Variants in FERMT2 observed in about 807,000 individuals in gnomAD.
FERMT2 encodes the protein FERM domain containing kindlin 2.
Under a neutral mutation model 82.7 loss-of-function variants are expected in FERMT2, and 15 were observed. That is an observed-to-expected ratio of 0.18 (90% confidence interval 0.12 to 0.28). The LOEUF (loss-of-function observed/expected upper bound fraction) is 0.28, where lower values mean the gene tolerates loss of function less well. Among genes scored for constraint, FERMT2 ranks in the 10% least tolerant of loss-of-function variants. FERMT2 has a pLI of 1.00. For missense variants in FERMT2, 645 were observed against 809.4 expected, an observed-to-expected ratio of 0.80 and a Z score of 2.46; for synonymous variants, 274 against 271.5, an observed-to-expected ratio of 1.01 and a Z score of -0.09.
intron 2 of FERMT2, among the ~76,000 whole-genome samples, chr14:52,940,365 G>T (rs958455276): frequency 1.3e-5 from 2 of 152,146 alleles, no homozygotes; most frequent in Admixed American, 6.5e-5. Flanking sequence ...CATTAATGAA[G>T]TTGAGAGAAA....
At chr14:52,945,396 C>T (rs1291195816) in intron 2 of FERMT2, among the ~76,000 whole-genome samples, 1 of 151,662 alleles carries the variant, frequency 6.6e-6, no homozygotes, top group Admixed American at 6.6e-5. Flanking sequence ...TACAGGCGCC[C>T]GCTACCATGC....
At chr14:52,937,005 C>T (rs1180298799) in intron 2 of FERMT2, among the ~76,000 whole-genome samples, 4 of 151,258 alleles carry the variant, frequency 2.6e-5, no homozygotes, top group African/African-American at 4.9e-5. Flanking sequence ...AAAAAAAATA[C>T]AAAAAAATTA....
chr14:52,898,429 A>G lies in FERMT2; in HGVS notation c.392-5002T>C, dbSNP rs188590593. On this transcript the variant is annotated intron_variant, in intron 3 of 14. Coordinates refer to ENST00000341590, the MANE Select transcript of FERMT2 (RefSeq NM_006832.3). ...ATTTTTGGGGTTTCATGGATTAGCA[A>G]TAATTACTATAATTAGGTAGGTTCA... Among the ~76,000 whole-genome samples, 591 of 152,326 alleles carry G rather than the reference A, an allele frequency of 3.9e-3. 2 individuals carry two copies. The highest frequency in any genetic ancestry group is 5.3e-3 in the Admixed American group (81 of 15,294).
chr14:52,898,623 G>A (rs1887437086), intron 3 of FERMT2, among the ~76,000 whole-genome samples: 2 of 152,162 alleles, frequency 1.3e-5, no homozygotes, highest in Admixed American at 1.3e-4. Flanking sequence ...AGCTTTAAAT[G>A]CCAGTGGGGC....
intron 3 of FERMT2, among the ~76,000 whole-genome samples, chr14:52,918,608 G>A (rs1339264633): frequency 6.6e-6 from 1 of 152,184 alleles, no homozygotes; most frequent in Non-Finnish European, 1.5e-5. Context: ...AATACTTCCT[G>A]TCATATGACA....
intron 3 of FERMT2, among the ~76,000 whole-genome samples, chr14:52,917,065 A>G (rs1888654936): frequency 6.6e-6 from 1 of 152,234 alleles, no homozygotes; most frequent in Non-Finnish European, 1.5e-5. Flanking sequence ...TGCTAGTTGG[A>G]ATATAAACTG....
chr14:52,934,296 T>C (rs1421415585), intron 2 of FERMT2, among the ~76,000 whole-genome samples: 2 of 152,154 alleles, frequency 1.3e-5, no homozygotes, highest in Non-Finnish European at 2.9e-5. Flanking sequence ...CATATGGAAA[T>C]GGAAAAAATA....
intron 4 of FERMT2, among the ~76,000 whole-genome samples, chr14:52,892,464 T>G (rs1182982227): frequency 1.4e-5 from 2 of 144,544 alleles, no homozygotes; most frequent in African/African-American, 5.4e-5. Context: ...TTGTTTTTTT[T>G]TTTTTTTGAG....
chr14:52,866,476 C>T (rs1348196496), intron 10 of FERMT2, among the ~76,000 whole-genome samples: 2 of 152,194 alleles, frequency 1.3e-5, no homozygotes, highest in Non-Finnish European at 2.9e-5. Flanking sequence ...TGCCGAGACT[C>T]ACTGTCTTCA....
At chr14:52,899,184 A>G (rs1187663225) in intron 3 of FERMT2, among the ~76,000 whole-genome samples, 4 of 152,178 alleles carry the variant, frequency 2.6e-5, no homozygotes, top group Non-Finnish European at 5.9e-5. Flanking sequence ...ATAATATTAA[A>G]AATACATGCT....
intron 3 of FERMT2, among the ~76,000 whole-genome samples, chr14:52,916,497 G>A (rs1460950282): frequency 6.6e-6 from 1 of 152,144 alleles, no homozygotes; most frequent in Admixed American, 6.5e-5. Context: ...TTCTGGAAAG[G>A]GCAAAACTAG....
intron 2 of FERMT2, among the ~76,000 whole-genome samples, chr14:52,932,841 T>G (rs2139677713): frequency 6.6e-6 from 1 of 152,284 alleles, no homozygotes; most frequent in East Asian, 1.9e-4. Context: ...GGAAAAGAAT[T>G]CTCAACAGTG....
chr14:52,950,387 T>G, intron 2 of FERMT2, 25 bp downstream of exon 2: 1 of 1,606,474 alleles, frequency 6.2e-7, no homozygotes. Flanking sequence ...AGTCATTAGT[T>G]GGACGCGGCT....
chr14:52,873,773 A>C (rs1885777271), intron 9 of FERMT2: 1 of 157,352 alleles, frequency 6.4e-6, no homozygotes, highest in Admixed American at 6.5e-5. Flanking sequence ...ACTTTACATA[A>C]AATGTTCCAT....
intron 2 of FERMT2, among the ~76,000 whole-genome samples, chr14:52,949,708 G>A (rs184430418): frequency 6.6e-5 from 10 of 152,256 alleles, no homozygotes; most frequent in Non-Finnish European, 1.3e-4. Flanking sequence ...ATACATATTT[G>A]TACTCAAGCA....
intron 10 of FERMT2, among the ~76,000 whole-genome samples, chr14:52,866,718 A>C (rs960004819): frequency 1.3e-5 from 2 of 152,126 alleles, no homozygotes; most frequent in Admixed American, 1.3e-4. Flanking sequence ...GACATCCTAC[A>C]ATGTCACTTG....
intron 2 of FERMT2, among the ~76,000 whole-genome samples, chr14:52,926,449 C>G (rs1300014817): frequency 7.7e-6 from 1 of 130,676 alleles, no homozygotes; most frequent in African/African-American, 2.7e-5. Context: ...CACACACACA[C>G]ACACACTCAG....
intron 7 of FERMT2, 133 bp from the exon 8 acceptor site, chr14:52,875,490 G>A (rs780312604): frequency 4.7e-5 from 28 of 600,886 alleles, no homozygotes; most frequent in Non-Finnish European, 5.9e-5. Context: ...GAACTAGAAC[G>A]ATAGGAAATA....
chr14:52,930,097 A>G (rs1003109286), intron 2 of FERMT2, among the ~76,000 whole-genome samples: 5 of 152,220 alleles, frequency 3.3e-5, no homozygotes, highest in Non-Finnish European at 7.3e-5. Context: ...ATAATTTACT[A>G]ATACAAGTTG....
Sources: allele counts gnomAD v4.1 joint callset (sites outside exome capture counted in the v4.1 genomes callset), GRCh38; gene constraint gnomAD v4.1.1; transcripts MANE v1.5; gene names NCBI Gene and HGNC (gene_info 2026-07-23, HGNC 2026-07-21).